SIK3: variants seen among roughly 807,000 people sequenced by gnomAD.
The protein encoded by SIK3 is SIK family kinase 3, also known as serine/threonine-protein kinase SIK3.
A neutral mutation model predicts 144.2 loss-of-function variants in SIK3; 28 were observed. That is an observed-to-expected ratio of 0.19 (90% CI 0.14 to 0.27). The LOEUF (loss-of-function observed/expected upper bound fraction) is 0.27. Ranked by LOEUF, SIK3 falls within the 10% of genes least tolerant of loss-of-function variation. The pLI is 1.00. For synonymous variants in SIK3, 686 were observed against 676.3 expected (o/e 1.01, Z -0.22); for missense variants, 1,319 against 1,776.0 (o/e 0.74, Z 4.62).
intron 14 of SIK3, chr11:116,869,269 G>A: frequency 6.6e-6 from 1 of 152,262 alleles, no homozygotes; most frequent in African/African-American, 2.4e-5. Flanking sequence ...GTTTGCCATG[G>A]TTTTCTTTCC....
chr11:116,852,771 A>G (rs1942571416), intron 21 of SIK3, among the ~76,000 whole-genome samples: 1 of 152,250 alleles, frequency 6.6e-6, no homozygotes, highest in Non-Finnish European at 1.5e-5. Context: ...ACCCATATGT[A>G]AATGAACAAA....
At chr11:116,970,730 A>T (rs59294170) in intron 1 of SIK3, among the ~76,000 whole-genome samples, 24,687 of 152,116 alleles carry the variant, frequency 0.16, 2,123 homozygotes, top group Admixed American at 0.21. Flanking sequence ...AGCTCACTGC[A>T]GCCTCAAACT....
chr11:116,938,052 A>C (rs1948013707), intron 3 of SIK3, among the ~76,000 whole-genome samples: 1 of 151,800 alleles, frequency 6.6e-6, no homozygotes. Context: ...TAAAAATACA[A>C]AAATTAGCTG....
chr11:116,853,894 C>T (rs1247844173), intron 21 of SIK3, among the ~76,000 whole-genome samples: 1 of 152,214 alleles, frequency 6.6e-6, no homozygotes, highest in South Asian at 2.1e-4. Flanking sequence ...AGATTACGGA[C>T]AGCATGGGGC....
chr11:116,998,157 T>C (rs1325555496), intron 1 of SIK3, among the ~76,000 whole-genome samples: 1 of 143,434 alleles, frequency 7.0e-6, no homozygotes, highest in Non-Finnish European at 1.5e-5. Flanking sequence ...GTAGTGTATA[T>C]GATAATTTAA....
At chr11:116,910,518 C>T (rs773563918) in intron 4 of SIK3, among the ~76,000 whole-genome samples, 1 of 151,992 alleles carries the variant, frequency 6.6e-6, no homozygotes, top group Non-Finnish European at 1.5e-5. Flanking sequence ...TCCCCAAAAC[C>T]ACAGGCACTT....
rs2134265847 is a variant in SIK3, at chr11:116,846,644, GTCGA to G, written c.3953-95_3953-92del. ...AGAGAGGAGGAATTGAAGGCAACCT[GTCGA>G]GCATCCCACAGCCTGACTCCCAGCC... On this transcript the variant is annotated intron_variant, in intron 23 of 24. Coordinates refer to ENST00000445177, the MANE Select transcript of SIK3 (RefSeq NM_001366686.3). The surrounding 1 kb of genome is among the most constrained non-coding windows in gnomAD (Gnocchi z 4.1). 1 of 1,453,904 alleles carries G rather than the reference GTCGA, an allele frequency of 6.9e-7. No homozygotes were observed. The highest frequency in any genetic ancestry group is 1.4e-5 in the African/African-American group (1 of 71,934). The allele number at this position is 1,453,904 out of a possible 1,614,324, so 90.1% of individuals were successfully genotyped here.
In SIK3 at chr11:117,018,131, C is replaced by T. The variant is rs1951613801; in HGVS notation, c.274-61067G>A. ...TTGGGGGGAAACCCGCAGCTGATAT[C>T]TCAACACAGTTGTCCCTCGGTATAC... On this transcript the variant is annotated intron_variant, in intron 1 of 24. Coordinates refer to ENST00000445177, the MANE Select transcript of SIK3 (RefSeq NM_001366686.3). 3.3e-5 allele frequency among the ~76,000 whole-genome samples: 5 copies of T among 152,086 alleles called. 1 individual carries two copies. In the South Asian group the frequency reaches 1.0e-3, roughly 32 times the overall value.
At chr11:116,951,983 T>A (rs1257086220) in intron 3 of SIK3, among the ~76,000 whole-genome samples, 1 of 132,950 alleles carries the variant, frequency 7.5e-6, no homozygotes, top group South Asian at 2.4e-4. Flanking sequence ...AATAAATAAA[T>A]AAAATCTGCT....
At chr11:116,935,553 T>G (rs2513095) in intron 3 of SIK3, among the ~76,000 whole-genome samples, 1 of 152,006 alleles carries the variant, frequency 6.6e-6, no homozygotes, top group Admixed American at 6.6e-5. Flanking sequence ...TAAACCCAGG[T>G]AGGCTTTGAA....
chr11:116,854,310 C>T (rs1274500174), intron 21 of SIK3, among the ~76,000 whole-genome samples: 2 of 152,150 alleles, frequency 1.3e-5, no homozygotes, highest in Non-Finnish European at 2.9e-5. Context: ...TGCAGTGAAC[C>T]GTGGTTGCAC....
At chr11:116,964,365 G>A (rs1198236218) in intron 1 of SIK3, among the ~76,000 whole-genome samples, 1 of 152,034 alleles carries the variant, frequency 6.6e-6, no homozygotes, top group Non-Finnish European at 1.5e-5. Context: ...GTACTAAGGG[G>A]CAAAACAGGG....
intron 1 of SIK3, among the ~76,000 whole-genome samples, chr11:116,991,395 C>T (rs749362943): frequency 1.2e-4 from 19 of 152,138 alleles, no homozygotes; most frequent in Non-Finnish European, 2.6e-4. Context: ...TGCAGTGAGT[C>T]GAGATCATGC....
At chr11:117,002,323 TTGTTAG>T (rs1187058203) in intron 1 of SIK3, among the ~76,000 whole-genome samples, 1 of 152,090 alleles carries the variant, frequency 6.6e-6, no homozygotes, top group African/African-American at 2.4e-5. Flanking sequence ...TCATCAGCTA[TTGTTAG>T]TGTTAGTGTA....
rs374752455 is a variant in SIK3, at chr11:116,863,660, T to A, written c.2103+8A>T. On this transcript the variant is annotated splice_region_variant and intron_variant, in intron 16 of 24. Transcript: ENST00000445177. ...TCCTCCAGGGATGCCTGCCACCTCT[T>A]CCATTACCTGCTGCAGCTGTTTGAT... is the stretch of plus-strand genomic sequence containing the variant. The A allele has an allele frequency of 2.9e-4, 462 of 1,613,870 alleles. 1 individual carries two copies. The highest frequency in any genetic ancestry group is 3.5e-4 in the Non-Finnish European group (412 of 1,179,986).
At chr11:117,046,623 A>T (rs960206303) in intron 1 of SIK3, among the ~76,000 whole-genome samples, 1 of 152,332 alleles carries the variant, frequency 6.6e-6, no homozygotes, top group South Asian at 2.1e-4. Flanking sequence ...TCACGCCCAT[A>T]ATCCCAGCAC....
rs563524383 is a variant in SIK3 at position 116,850,081 on chromosome 11, T to C, written c.3656-798A>G. 1.6e-4 allele frequency among the ~76,000 whole-genome samples: 24 copies of C among 152,344 alleles called. No individual in the cohort carries two copies. In the South Asian group the frequency reaches 2.1e-3, roughly 13 times the overall value. ...CAGGCATAAGCTCTTGGGGCCACTATTGATTCCTTACTCCTGGTGCTGAAT... is the reference window on the plus strand; with the variant it reads ...CAGGCATAAGCTCTTGGGGCCACTACTGATTCCTTACTCCTGGTGCTGAAT... On this transcript the variant is annotated intron_variant, in intron 21 of 24. Transcript: ENST00000445177.
intron 1 of SIK3, among the ~76,000 whole-genome samples, chr11:117,005,326 C>A (rs1363152248): frequency 7.7e-6 from 1 of 129,166 alleles, no homozygotes; most frequent in Admixed American, 8.2e-5. Context: ...CAGAGCGAGA[C>A]CCCGTCTCAG....
intron 2 of SIK3, among the ~76,000 whole-genome samples, chr11:116,955,164 G>A (rs867250197): frequency 1.5e-4 from 23 of 152,266 alleles, no homozygotes; most frequent in African/African-American, 4.3e-4. Context: ...TTGGGAGGCC[G>A]AGGTGGGTGG....
Sources: gnomAD v4.1 joint callset for allele counts (sites outside exome capture counted in the v4.1 genomes callset) on GRCh38, gnomAD v4.1.1 for gene constraint, Gnocchi (gnomAD v3.1) non-coding constraint, MANE v1.5 for transcripts, NCBI Gene and HGNC (gene_info 2026-07-23, HGNC 2026-07-21) for gene names.